SIK3: variants seen among roughly 807,000 people sequenced by gnomAD.
SIK3 encodes the protein SIK family kinase 3.
In SIK3, 28 loss-of-function variants were observed where a neutral mutation model predicts 144.2. The ratio of observed to expected loss-of-function variants is 0.19; its 90% CI spans 0.14 to 0.27. The LOEUF (loss-of-function observed/expected upper bound fraction) is 0.27, where lower values mean the gene tolerates loss of function less well. Among genes scored for constraint, SIK3 ranks in the 10% least tolerant of loss-of-function variants. The probability of loss-of-function intolerance (pLI) is 1.00; values close to 1 mark genes in which losing one functional copy is unlikely to be tolerated. For synonymous variants in SIK3, 686 were observed against 676.3 expected, an observed-to-expected ratio of 1.01 and a Z score of -0.22; for missense variants, 1,319 against 1,776.0, an observed-to-expected ratio of 0.74 and a Z score of 4.62.
At chr11:116,932,316 A>T (rs935320564) in intron 3 of SIK3, among the ~76,000 whole-genome samples, 1 of 152,206 alleles carries the variant, frequency 6.6e-6, no homozygotes, top group East Asian at 1.9e-4. Flanking sequence ...AGTTGCAAAG[A>T]CAGTGCAGAG....
In SIK3 at chr11:116,863,800, G is replaced by A. The variant is rs1168161874; in HGVS notation, c.1971C>T (p.Ser657=). The change falls in exon 16 of 25, where the codon TCC becomes TCT. Residue 657 remains serine (S), a synonymous_variant. Transcript: ENST00000445177. ...PDQHRSTYKD[S]NTLHLPTERF... ...GCTCCGTAGGGAGGTGCAGAGTGTT[G>A]GAGTCCTTGTAGGTAGAGCTGAATA... 1.2e-6 allele frequency: 2 copies of A among 1,612,718 alleles called. No individual in the cohort carries two copies. The highest frequency in any genetic ancestry group is 2.2e-5 in the East Asian group (1 of 44,876).
At chr11:116,866,769 T>A (rs1461467861) in intron 15 of SIK3, among the ~76,000 whole-genome samples, 1 of 152,178 alleles carries the variant, frequency 6.6e-6, no homozygotes, top group Non-Finnish European at 1.5e-5. Flanking sequence ...GTACGAACAC[T>A]GTAAGTCCTG....
rs775106145 is a variant in SIK3, at chr11:116,846,451, A to C, written c.4055T>G (p.Leu1352Arg). ...GACTTCGGGGTGCTTGTAGCTGAGC[A>C]GAATGTCTGTAATACACGTAGATGG... ...CYPSTCITDI[L>R]LSYKHPEVSF... The change falls in exon 24 of 25, where the codon CTG becomes CGG. Residue 1352 changes from leucine to arginine, a missense_variant. Around this residue, in one of 8 missense-constraint regions of SIK3, gnomAD observed 646 missense variants for 763.7 expected, o/e 0.85. Coordinates refer to ENST00000445177, the MANE Select transcript of SIK3 (RefSeq NM_001366686.3). This position sits in a 1 kb window ranked among gnomAD's most constrained non-coding sequence, Gnocchi z 4.1. The C allele has an allele frequency of 3.7e-6, 6 of 1,614,242 alleles. 1 individual carries two copies. In the African/African-American group the frequency reaches 5.3e-5, roughly 14 times the overall value.
intron 1 of SIK3, among the ~76,000 whole-genome samples, chr11:117,003,995 G>A (rs1282757123): frequency 6.6e-6 from 1 of 152,064 alleles, no homozygotes; most frequent in Non-Finnish European, 1.5e-5. Context: ...TGGAGAATAT[G>A]GGGAAAAAAG....
chr11:117,060,139 A>C (rs920351566), intron 1 of SIK3, among the ~76,000 whole-genome samples: 3 of 152,240 alleles, frequency 2.0e-5, no homozygotes, highest in African/African-American at 7.2e-5. Context: ...AAACAGTGGA[A>C]ATCCAGACAA....
intron 1 of SIK3, among the ~76,000 whole-genome samples, chr11:117,059,774 T>C (rs907393929): frequency 7.2e-5 from 11 of 152,354 alleles, no homozygotes; most frequent in African/African-American, 2.4e-4. Context: ...CATATGTTAC[T>C]AGGCTACTGC....
intron 1 of SIK3, among the ~76,000 whole-genome samples, chr11:117,049,826 G>A (rs1021514041): frequency 6.6e-6 from 1 of 151,758 alleles, no homozygotes; most frequent in Admixed American, 6.6e-5. Context: ...ATAGTGGCAC[G>A]TGACTGTAGT....
At chr11:117,077,202 GAAACACTGC>G (rs1190456549) in intron 1 of SIK3, among the ~76,000 whole-genome samples, 1 of 152,184 alleles carries the variant, frequency 6.6e-6, no homozygotes, top group Non-Finnish European at 1.5e-5. Context: ...GACAGGACAT[GAAACACTGC>G]TCAAAACAGC....
At chr11:116,983,177 A>G (rs1477565714) in intron 1 of SIK3, among the ~76,000 whole-genome samples, 4 of 151,108 alleles carry the variant, frequency 2.6e-5, no homozygotes, top group Admixed American at 2.6e-4. Context: ...CAGTGAGCCA[A>G]GATTCGGCCA....
rs188481495 is a variant in SIK3, at chr11:117,019,775, G to A, written c.274-62711C>T. Among the ~76,000 whole-genome samples, 8 of 152,012 alleles carry A rather than the reference G, an allele frequency of 5.3e-5. No individual in the cohort carries two copies. The East Asian group carries it at 7.7e-4, about 15-fold the overall frequency. On this transcript the variant is annotated intron_variant, in intron 1 of 24. Coordinates refer to ENST00000445177, the MANE Select transcript of SIK3 (RefSeq NM_001366686.3). Reference sequence around the variant, plus strand: ...ACTACAGGCGCGTGCCACCACGCCCGGCTAATTTTTGTATTTTTTAGTACA... The same window carrying A: ...ACTACAGGCGCGTGCCACCACGCCCAGCTAATTTTTGTATTTTTTAGTACA...
intron 21 of SIK3, among the ~76,000 whole-genome samples, chr11:116,854,125 CAA>C: frequency 6.6e-6 from 1 of 152,044 alleles, no homozygotes; most frequent in Non-Finnish European, 1.5e-5. Context: ...TTTGGGAGGC[CAA>C]GAAGGGAGGA....
Position 117,069,324 on chromosome 11 carries a change from T to C in SIK3, c.273+28819A>G, listed in dbSNP as rs900668030. Among the ~76,000 whole-genome samples the C allele has an allele frequency of 1.1e-4, 16 of 152,312 alleles. No individual in the cohort carries two copies. The South Asian group carries it at 2.5e-3, about 24-fold the overall frequency. On this transcript the variant is annotated intron_variant, in intron 1 of 24. Transcript: ENST00000445177. ...AATAAATACATGGCCATTTTATCTA[T>C]ACTGCTGACCACTTCTTCCTTTCCC...
intron 4 of SIK3, among the ~76,000 whole-genome samples, chr11:116,912,036 T>C (rs1401910497): frequency 2.0e-5 from 3 of 152,226 alleles, no homozygotes; most frequent in Non-Finnish European, 2.9e-5. Flanking sequence ...GCCATGGTCA[T>C]TTATTTCTCC....
At chr11:116,902,842 G>C (rs1249691204) in intron 4 of SIK3, among the ~76,000 whole-genome samples, 1 of 152,152 alleles carries the variant, frequency 6.6e-6, no homozygotes, top group Non-Finnish European at 1.5e-5. Flanking sequence ...TTTAATTACT[G>C]AGCCTGCGGT....
chr11:117,026,447 T>C (rs76882215), intron 1 of SIK3, among the ~76,000 whole-genome samples: 3,128 of 152,252 alleles, frequency 0.021, 49 homozygotes, highest in Non-Finnish European at 0.028. Flanking sequence ...TCATGAATGG[T>C]TGTTAAGGCA....
chr11:116,937,068 A>G (rs1459714753), intron 3 of SIK3, among the ~76,000 whole-genome samples: 1 of 152,198 alleles, frequency 6.6e-6, no homozygotes, highest in Non-Finnish European at 1.5e-5. Flanking sequence ...CCTCTATGAC[A>G]TCAGCAAACA....
At position 117,050,028 on chromosome 11, in the gene SIK3, C is replaced by T. The variant is rs529275889; in HGVS notation, c.273+48115G>A. On this transcript the variant is annotated intron_variant, in intron 1 of 24. Transcript: ENST00000445177. ...GATAGCAGCCGGGCACAGTGGCTCACGCCTGTAATCCCAATGCTCTGGGAG... is the reference window on the plus strand; with the variant it reads ...GATAGCAGCCGGGCACAGTGGCTCATGCCTGTAATCCCAATGCTCTGGGAG... Among the ~76,000 whole-genome samples the T allele has an allele frequency of 8.3e-4, 126 of 151,880 alleles. 2 individuals are homozygous for T. The South Asian group carries it at 0.019, about 23-fold the overall frequency.
chr11:117,043,214 AG>A (rs1952819798), intron 1 of SIK3, among the ~76,000 whole-genome samples: 1 of 152,186 alleles, frequency 6.6e-6, no homozygotes, highest in Non-Finnish European at 1.5e-5. Context: ...ACAACTCAAT[AG>A]ACTAAAGATG....
intron 1 of SIK3, among the ~76,000 whole-genome samples, chr11:117,089,929 TCCAGAGGCTCCTTGTCTA>T (rs539585207): frequency 5.6e-4 from 85 of 152,292 alleles, no homozygotes; most frequent in African/African-American, 1.7e-3. Context: ...ACCATCAGTG[TCCAGAGGCTCCTTGTCTA>T]CCACGGATCA....
Sources: allele counts gnomAD v4.1 joint callset (sites outside exome capture counted in the v4.1 genomes callset), GRCh38; gene constraint gnomAD v4.1.1; regional missense constraint gnomAD v4.1.1; non-coding constraint Gnocchi (gnomAD v3.1); transcripts MANE v1.5; gene names NCBI Gene and HGNC (gene_info 2026-07-23, HGNC 2026-07-21).